UBXN2B: variants seen among roughly 807,000 people sequenced by gnomAD.
UBXN2B encodes the protein UBX domain protein 2B, also known as UBX domain-containing protein 2B.
In UBXN2B, 19 loss-of-function variants were observed where a neutral mutation model predicts 37.5. The observed-to-expected ratio is 0.51, with a 90% confidence interval of 0.35 to 0.74. UBXN2B has a LOEUF of 0.74. Among genes scored for constraint, UBXN2B ranks in the 30% least tolerant of loss-of-function variants. The probability of loss-of-function intolerance (pLI) is 0.01; values close to 1 mark genes in which losing one functional copy is unlikely to be tolerated. For missense variants in UBXN2B, 370 were observed against 393.2 expected, an observed-to-expected ratio of 0.94 and a Z score of 0.50; for synonymous variants, 145 against 143.8, an observed-to-expected ratio of 1.01 and a Z score of -0.06.
In UBXN2B at chr8:58,425,649, A is replaced by C. The variant is rs142751711; in HGVS notation, c.189-4870A>C. On this transcript the variant is annotated intron_variant, in intron 2 of 7. Transcript: ENST00000399598. ...CTTCCGAAAAGCCTTGTTTGACTTT[A>C]TTGTGGTCTCAGCTAATTTGCTTAG... 508 of 1,137,964 alleles carry C rather than the reference A, an allele frequency of 4.5e-4. 3 individuals are homozygous for C. The African/African-American group carries it at 6.9e-3, about 15-fold the overall frequency. 70.5% of individuals were successfully genotyped at this position (1,137,964 alleles called of 1,614,324 possible).
At chr8:58,413,464 A>G (rs945866727) in intron 1 of UBXN2B, 1 of 152,202 alleles carries the variant, frequency 6.6e-6, no homozygotes, top group Non-Finnish European at 1.5e-5. Flanking sequence ...TTACCGTTTA[A>G]TCTAGACATG....
chr8:58,416,688 T>A (rs1807791606), intron 1 of UBXN2B, among the ~76,000 whole-genome samples, 162 bp from the exon 2 acceptor site: 1 of 152,192 alleles, frequency 6.6e-6, no homozygotes, highest in Non-Finnish European at 1.5e-5. Flanking sequence ...TATAATGAGA[T>A]GCAGTAAGTT....
At chr8:58,427,471 T>G (rs1391720620) in intron 2 of UBXN2B, among the ~76,000 whole-genome samples, 1 of 152,200 alleles carries the variant, frequency 6.6e-6, no homozygotes, top group African/African-American at 2.4e-5. Context: ...TCAAAAAATA[T>G]ATAAATAAAT....
intron 4 of UBXN2B, 41 bp from the exon 5 acceptor site, chr8:58,434,348 AATATAT>A (rs34843413): frequency 5.5e-4 from 211 of 384,890 alleles, no homozygotes; most frequent in Non-Finnish European, 6.7e-4. Context: ...TGTATATGTG[AATATAT>A]ATATATATAT....
In UBXN2B at chr8:58,432,887, G is replaced by C. The variant is rs572648107; in HGVS notation, c.340-273G>C. ...AAATTTGGGATATGCCTAGAAACGTGTCTTTTTAAAAAAGCCTCTATGATA... is the reference window on the plus strand; with the variant it reads ...AAATTTGGGATATGCCTAGAAACGTCTCTTTTTAAAAAAGCCTCTATGATA... On this transcript the variant is annotated intron_variant, in intron 3 of 7. Transcript: ENST00000399598. 2.0e-5 allele frequency among the ~76,000 whole-genome samples: 3 copies of C among 151,782 alleles called. No individual in the cohort carries two copies. The East Asian group carries it at 6.1e-4, about 31-fold the overall frequency.
At chr8:58,416,278 G>C (rs1807780843) in intron 1 of UBXN2B, among the ~76,000 whole-genome samples, 1 of 151,826 alleles carries the variant, frequency 6.6e-6, no homozygotes, top group African/African-American at 2.4e-5. Context: ...CCAATATCTA[G>C]AATGTATAAT....
At chr8:58,415,306 T>TA (rs1195893366) in intron 1 of UBXN2B, among the ~76,000 whole-genome samples, 1 of 152,086 alleles carries the variant, frequency 6.6e-6, no homozygotes, top group Admixed American at 6.5e-5. Context: ...AAGTAATTCA[T>TA]AAAGCTGACA....
chr8:58,424,922 C>T lies in UBXN2B; in HGVS notation c.189-5597C>T, dbSNP rs534178392. ...TTGAGAACGTCAATGTTGCAGTCAA[C>T]ACCTTTCTCTCTGTTGATGTCAGTC... On this transcript the variant is annotated intron_variant, in intron 2 of 7. Coordinates refer to ENST00000399598, the MANE Select transcript of UBXN2B (RefSeq NM_001077619.2). 4.6e-4 allele frequency: 392 copies of T among 844,784 alleles called. 1 individual carries two copies. The highest frequency in any genetic ancestry group is 3.8e-3 in the African/African-American group (232 of 60,488). 52.3% of individuals were successfully genotyped at this position (844,784 alleles called of 1,614,324 possible). A position where few individuals can be genotyped will look rare whatever the true frequency, so the allele number is the denominator to read the frequency against.
intron 3 of UBXN2B, among the ~76,000 whole-genome samples, chr8:58,431,591 G>A (rs1220956170): frequency 1.3e-5 from 2 of 152,142 alleles, no homozygotes; most frequent in Non-Finnish European, 2.9e-5. Flanking sequence ...GCTCAGAAGT[G>A]CAATTGGTAG....
At chr8:58,439,465 A>T (rs935814879) in intron 5 of UBXN2B, among the ~76,000 whole-genome samples, 168 bp from the exon 6 acceptor site, 2 of 152,114 alleles carry the variant, frequency 1.3e-5, no homozygotes, top group Non-Finnish European at 2.9e-5. Context: ...AAGTGACTTT[A>T]AAAAAGATCT....
intron 2 of UBXN2B, among the ~76,000 whole-genome samples, chr8:58,429,955 G>A (rs1386785891): frequency 6.6e-6 from 1 of 152,104 alleles, no homozygotes; most frequent in Non-Finnish European, 1.5e-5. Flanking sequence ...GAAATTGGTC[G>A]CCAAAAAATT....
chr8:58,417,011 T>G, intron 2 of UBXN2B, 58 bp downstream of exon 2: 1 of 1,379,088 alleles, frequency 7.3e-7, no homozygotes, highest in Non-Finnish European at 9.8e-7. Flanking sequence ...AAAAATTTAC[T>G]AACTTCAAAT....
intron 6 of UBXN2B, among the ~76,000 whole-genome samples, chr8:58,444,833 G>T (rs968474708): frequency 2.0e-5 from 3 of 152,302 alleles, no homozygotes; most frequent in East Asian, 3.9e-4. Flanking sequence ...GCTAAAGAAA[G>T]AGAAAGTGTC....
chr8:58,428,883 T>C (rs1325384734), intron 2 of UBXN2B, among the ~76,000 whole-genome samples: 1 of 152,200 alleles, frequency 6.6e-6, no homozygotes, highest in Non-Finnish European at 1.5e-5. Flanking sequence ...TTTCATTAGG[T>C]GGTACTGGGA....
chr8:58,419,205 C>T (rs538474547), intron 2 of UBXN2B, among the ~76,000 whole-genome samples: 15 of 152,202 alleles, frequency 9.9e-5, no homozygotes, highest in Admixed American at 2.0e-4. Context: ...GCAGATTGTT[C>T]GCAATCTTTT....
chr8:58,440,488 T>C (rs1808513587), intron 6 of UBXN2B, among the ~76,000 whole-genome samples: 1 of 152,246 alleles, frequency 6.6e-6, no homozygotes, highest in South Asian at 2.1e-4. Context: ...CTTAGGACTT[T>C]GAAGAGCACA....
chr8:58,426,531 G>A, intron 2 of UBXN2B: 2 of 738,652 alleles, frequency 2.7e-6, no homozygotes, highest in Non-Finnish European at 5.1e-6. Flanking sequence ...CTTGATGTGG[G>A]TGACAGCTCC....
In UBXN2B at chr8:58,449,408, C is replaced by A. The variant is rs138203376; in HGVS notation, c.*1857C>A. ...TCACAATCCATTATTACAGCATCAA[C>A]TCTAAATCCAAAATCTTATCTGAGT... On this transcript the variant is annotated 3_prime_UTR_variant, in exon 8 of 8. Coordinates refer to ENST00000399598, the MANE Select transcript of UBXN2B (RefSeq NM_001077619.2). 1 of 150,322 alleles carries A rather than the reference C, an allele frequency of 6.7e-6. No individual in the cohort carries two copies. Among genetic ancestry groups the A allele is most frequent in the Non-Finnish European group, 1.5e-5 (1 of 67,632 alleles). The allele number at this position is 150,322 out of a possible 1,614,324, so 9.3% of individuals were successfully genotyped here. A position where few individuals can be genotyped will look rare whatever the true frequency, so the allele number is the denominator to read the frequency against.
intron 2 of UBXN2B, chr8:58,426,380 T>C: frequency 2.0e-6 from 1 of 496,764 alleles, no homozygotes; most frequent in South Asian, 2.0e-5. Context: ...CTAATTTTTT[T>C]GTATTTTTTA....
Sources: allele counts gnomAD v4.1 joint callset (sites outside exome capture counted in the v4.1 genomes callset), GRCh38; gene constraint gnomAD v4.1.1; transcripts MANE v1.5; gene names NCBI Gene and HGNC (gene_info 2026-07-23, HGNC 2026-07-21).